The following SGMS1 variants were observed in gnomAD, a reference collection of about 807,000 sequenced individuals.
The protein encoded by SGMS1 is sphingomyelin synthase 1.
SGMS1 carries 13 observed loss-of-function variants against 46.2 expected under a neutral mutation model. The ratio of observed to expected loss-of-function variants is 0.28; its 90% CI spans 0.18 to 0.45. SGMS1 has a LOEUF of 0.45. Among genes scored for constraint, SGMS1 ranks in the 20% least tolerant of loss-of-function variants. The pLI, the probability that SGMS1 is intolerant of heterozygous loss-of-function variation, is 1.00. For missense variants in SGMS1, 324 were observed against 519.9 expected (o/e 0.62, Z 3.66); for synonymous variants, 203 against 187.8 (o/e 1.08, Z -0.66).
intron 6 of SGMS1, among the ~76,000 whole-genome samples, chr10:50,411,213 G>A (rs1235018474): frequency 1.3e-5 from 2 of 152,112 alleles, no homozygotes; most frequent in Admixed American, 1.3e-4. Flanking sequence ...ACCACACTCT[G>A]TATTTAAAGA....
intron 3 of SGMS1, among the ~76,000 whole-genome samples, chr10:50,475,903 T>C (rs1023285328): frequency 6.6e-6 from 1 of 151,838 alleles, no homozygotes; most frequent in Admixed American, 6.6e-5. Flanking sequence ...CTCATTTCTG[T>C]ATAAATTACT....
intron 2 of SGMS1, among the ~76,000 whole-genome samples, chr10:50,556,614 G>A (rs1214763423): frequency 2.0e-5 from 3 of 152,206 alleles, no homozygotes; most frequent in Non-Finnish European, 4.4e-5. Flanking sequence ...TCAGAGGTAA[G>A]ATCAGAGAGA....
At chr10:50,544,892 T>A (rs1838087002) in intron 2 of SGMS1, among the ~76,000 whole-genome samples, 2 of 152,224 alleles carry the variant, frequency 1.3e-5, no homozygotes, top group African/African-American at 4.8e-5. Flanking sequence ...TTTCCATTTA[T>A]GTGTTCCAAC....
chr10:50,554,294 C>G (rs1838172476), intron 2 of SGMS1, among the ~76,000 whole-genome samples: 2 of 152,186 alleles, frequency 1.3e-5, no homozygotes, highest in African/African-American at 4.8e-5. Flanking sequence ...AAAACCCGTT[C>G]CGGTCTGTCA....
intron 6 of SGMS1, among the ~76,000 whole-genome samples, chr10:50,344,947 A>G (rs964506665): frequency 6.6e-6 from 1 of 152,004 alleles, no homozygotes; most frequent in African/African-American, 2.4e-5. Flanking sequence ...ACACTTTTCA[A>G]CCTGGTCAAG....
intron 3 of SGMS1, among the ~76,000 whole-genome samples, chr10:50,467,271 A>G (rs1416586832): frequency 1.3e-5 from 2 of 152,206 alleles, no homozygotes; most frequent in African/African-American, 4.8e-5. Context: ...AACTGACAAT[A>G]TAAAAAAGAT....
At chr10:50,612,601 G>C (rs951484959) in intron 1 of SGMS1, among the ~76,000 whole-genome samples, 1 of 152,128 alleles carries the variant, frequency 6.6e-6, no homozygotes, top group Non-Finnish European at 1.5e-5. Context: ...GTTTTTAATA[G>C]AGTCTTTCTT....
chr10:50,337,589 T>C (rs2133343034), intron 7 of SGMS1, among the ~76,000 whole-genome samples: 1 of 152,320 alleles, frequency 6.6e-6, no homozygotes. Flanking sequence ...AGGAGTTAAG[T>C]AGTTTGATTC....
intron 2 of SGMS1, among the ~76,000 whole-genome samples, chr10:50,562,255 C>T (rs1471496960): frequency 6.6e-6 from 1 of 151,986 alleles, no homozygotes; most frequent in African/African-American, 2.4e-5. Context: ...AATGCAGATT[C>T]CTGGCCTCCA....
At chr10:50,481,628 A>T (rs540876816) in intron 3 of SGMS1, among the ~76,000 whole-genome samples, 1 of 152,330 alleles carries the variant, frequency 6.6e-6, no homozygotes, top group African/African-American at 2.4e-5. Flanking sequence ...CTTCCAAATG[A>T]TCACAACAAC....
intron 2 of SGMS1, among the ~76,000 whole-genome samples, chr10:50,550,867 C>T (rs1838143042): frequency 6.6e-6 from 1 of 152,106 alleles, no homozygotes; most frequent in South Asian, 2.1e-4. Flanking sequence ...AACAACTTGA[C>T]CAACCAAATA....
At position 50,616,572 on chromosome 10, in the gene SGMS1, G is replaced by A. The variant is rs538420568; in HGVS notation, c.-684+7135C>T. Among the ~76,000 whole-genome samples, 71 of 152,232 alleles carry A rather than the reference G, an allele frequency of 4.7e-4. No individual in the cohort carries two copies. The South Asian group carries it at 8.7e-3, about 19-fold the overall frequency. On this transcript the variant is annotated intron_variant, in intron 1 of 10. Transcript: ENST00000361781. ...CCCTTCAGCAGCCTCCCTAAGCGGC[G>A]GGGGGTGTTGTTATTCCAGTTTGAG...
At chr10:50,387,969 G>T (rs1234627334) in intron 6 of SGMS1, among the ~76,000 whole-genome samples, 3 of 152,170 alleles carry the variant, frequency 2.0e-5, no homozygotes, top group African/African-American at 7.2e-5. Context: ...CACAAGAGTA[G>T]GTTACAGTCT....
At chr10:50,537,266 A>C (rs1036795265) in intron 2 of SGMS1, among the ~76,000 whole-genome samples, 1 of 152,070 alleles carries the variant, frequency 6.6e-6, no homozygotes, top group Non-Finnish European at 1.5e-5. Flanking sequence ...TTTTCTCCAG[A>C]AAGTTTGGAG....
intron 2 of SGMS1, among the ~76,000 whole-genome samples, chr10:50,588,101 A>T (rs1338581294): frequency 6.6e-6 from 1 of 152,128 alleles, no homozygotes; most frequent in African/African-American, 2.4e-5. Flanking sequence ...AAGCATAACC[A>T]TACAGAGGCC....
chr10:50,346,894 TG>T (rs141497550), intron 6 of SGMS1, among the ~76,000 whole-genome samples: 42 of 151,864 alleles, frequency 2.8e-4, no homozygotes, highest in African/African-American at 9.4e-4. Context: ...GAGATTGGGG[TG>T]GGGGGTCTCA....
intron 2 of SGMS1, among the ~76,000 whole-genome samples, chr10:50,550,811 A>T (rs1233070600): frequency 6.6e-6 from 1 of 152,238 alleles, no homozygotes; most frequent in East Asian, 1.9e-4. Flanking sequence ...ATAAGGACGT[A>T]CTAAAACATA....
intron 2 of SGMS1, among the ~76,000 whole-genome samples, chr10:50,530,458 G>C (rs1240858313): frequency 6.6e-6 from 1 of 152,110 alleles, no homozygotes; most frequent in Non-Finnish European, 1.5e-5. Context: ...CATATAAAAG[G>C]GCTTTCCACC....
chr10:50,617,065 TA>T (rs895917855), intron 1 of SGMS1, among the ~76,000 whole-genome samples: 6 of 151,802 alleles, frequency 4.0e-5, no homozygotes, highest in African/African-American at 9.7e-5. Context: ...AATGCTATAA[TA>T]AAAAAAATTG....
Sources: gnomAD v4.1 joint callset for allele counts (sites outside exome capture counted in the v4.1 genomes callset) on GRCh38, gnomAD v4.1.1 for gene constraint, MANE v1.5 for transcripts, NCBI Gene and HGNC (gene_info 2026-07-23, HGNC 2026-07-21) for gene names.